Variants in THRAP3 observed in about 807,000 individuals in gnomAD.
The protein encoded by THRAP3 is thyroid hormone receptor-associated protein 3.
Under a neutral mutation model 101.0 loss-of-function variants are expected in THRAP3, and 16 were observed. The ratio of observed to expected loss-of-function variants is 0.16; its 90% confidence interval spans 0.11 to 0.24. THRAP3 has a LOEUF of 0.24. Among genes scored for constraint, THRAP3 ranks in the 10% least tolerant of loss-of-function variants. THRAP3 has a pLI of 1.00. For missense variants in THRAP3, 989 were observed against 1,202.7 expected (o/e 0.82, Z 2.63); for synonymous variants, 407 against 422.6 (o/e 0.96, Z 0.45).
intron 1 of THRAP3, among the ~76,000 whole-genome samples, chr1:36,234,812 T>A (rs948504681): frequency 7.2e-6 from 1 of 139,672 alleles, no homozygotes; most frequent in Non-Finnish European, 1.5e-5. Flanking sequence ...TCAGTCTTTT[T>A]TTTTTTTTTT....
chr1:36,231,993 G>A (rs949123534), intron 1 of THRAP3, among the ~76,000 whole-genome samples: 11 of 152,116 alleles, frequency 7.2e-5, no homozygotes, highest in African/African-American at 1.4e-4. Context: ...GAGGTGGGTG[G>A]ATCACTTGAG....
chr1:36,277,827 T>C (rs574205218), intron 2 of THRAP3, among the ~76,000 whole-genome samples: 14 of 152,290 alleles, frequency 9.2e-5, no homozygotes, highest in African/African-American at 3.4e-4. Context: ...TGGCACAATC[T>C]AGGCTCACTG....
At chr1:36,249,193 CT>C (rs35410710) in intron 1 of THRAP3, among the ~76,000 whole-genome samples, 63,718 of 117,330 alleles carry the variant, frequency 0.54, 16,892 homozygotes, top group East Asian at 0.66. Context: ...AGCACAGTCC[CT>C]TTTTTTTTTT....
intron 2 of THRAP3, among the ~76,000 whole-genome samples, chr1:36,262,130 A>T (rs557537319): frequency 1.3e-5 from 2 of 152,256 alleles, no homozygotes; most frequent in African/African-American, 4.8e-5. Context: ...ATATAATTCA[A>T]TATATCCAGT....
At chr1:36,270,251 G>A (rs982145104) in intron 2 of THRAP3, among the ~76,000 whole-genome samples, 1 of 152,144 alleles carries the variant, frequency 6.6e-6, no homozygotes, top group Non-Finnish European at 1.5e-5. Context: ...TTAGCCAGCT[G>A]TAGTGGCACA....
chr1:36,293,978 G>A (rs375119898), intron 8 of THRAP3, 43 bp downstream of exon 8: 8 of 1,593,352 alleles, frequency 5.0e-6, no homozygotes, highest in East Asian at 2.2e-5. Context: ...AAATGAGTGC[G>A]TTGGGCATGA....
At chr1:36,278,380 A>T (rs1280113761) in intron 2 of THRAP3, among the ~76,000 whole-genome samples, 1 of 152,048 alleles carries the variant, frequency 6.6e-6, no homozygotes, top group Non-Finnish European at 1.5e-5. Context: ...TCGGGTTTTG[A>T]CCGTAAATGT....
At chr1:36,302,626 A>G (rs1384259276) in intron 11 of THRAP3, among the ~76,000 whole-genome samples, 1 of 152,222 alleles carries the variant, frequency 6.6e-6, no homozygotes, top group Non-Finnish European at 1.5e-5. Flanking sequence ...AGCCATGGTC[A>G]GAAGAAGCTG....
At chr1:36,290,518 T>G (rs1645854744) in intron 5 of THRAP3, among the ~76,000 whole-genome samples, 1 of 152,160 alleles carries the variant, frequency 6.6e-6, no homozygotes, top group East Asian at 1.9e-4. Context: ...CAGGCTGGCG[T>G]GCAGTGGTGC....
rs749258360 is a variant in THRAP3, at chr1:36,235,593, C to T, written c.-135+11088C>T. Among the ~76,000 whole-genome samples, 48 of 151,892 alleles carry T rather than the reference C, an allele frequency of 3.2e-4. 1 individual carries two copies. The highest frequency in any genetic ancestry group is 1.0e-3 in the South Asian group (5 of 4,788). ...ACCATTTTCTTCCTGAGATTTCCACCGTGACAAAAAAATATGATGATTATT... is the reference window on the plus strand; with the variant it reads ...ACCATTTTCTTCCTGAGATTTCCACTGTGACAAAAAAATATGATGATTATT... On this transcript the variant is annotated intron_variant, in intron 1 of 11. Transcript: ENST00000354618.
chr1:36,237,997 A>T (rs550736584), intron 1 of THRAP3, among the ~76,000 whole-genome samples: 10 of 151,086 alleles, frequency 6.6e-5, no homozygotes, highest in South Asian at 4.2e-4. Flanking sequence ...ATTTAGCAAA[A>T]TTTTTTTTTC....
At chr1:36,229,259 G>A (rs919428179) in intron 1 of THRAP3, among the ~76,000 whole-genome samples, 3 of 151,726 alleles carry the variant, frequency 2.0e-5, no homozygotes, top group Non-Finnish European at 4.4e-5. Context: ...CACCACACCC[G>A]GCTAATTTTT....
chr1:36,304,153 AC>A lies in THRAP3; in HGVS notation c.*138del. 1 of 1,319,566 alleles carries A rather than the reference AC, an allele frequency of 7.6e-7. No individual in the cohort carries two copies. Among genetic ancestry groups the A allele is most frequent in the Non-Finnish European group, 1.0e-6 (1 of 995,592 alleles). The allele number at this position is 1,319,566 out of a possible 1,614,324, so 81.7% of individuals were successfully genotyped here. Reference sequence around the variant, plus strand: ...CCCCACCAGCCGCACAGATTGTACTACCGCGAGAGGCATCCCTGGCGCTGTC... The same window carrying A: ...CCCCACCAGCCGCACAGATTGTACTACGCGAGAGGCATCCCTGGCGCTGTC... On this transcript the variant is annotated 3_prime_UTR_variant, in exon 12 of 12. Transcript: ENST00000354618.
At chr1:36,259,924 G>A (rs1258775952) in intron 2 of THRAP3, among the ~76,000 whole-genome samples, 1 of 152,118 alleles carries the variant, frequency 6.6e-6, no homozygotes, top group Non-Finnish European at 1.5e-5. Flanking sequence ...TCATGCTTAT[G>A]TTACTTGGAT....
chr1:36,228,992 C>A (rs548068613), intron 1 of THRAP3, among the ~76,000 whole-genome samples: 26 of 152,168 alleles, frequency 1.7e-4, no homozygotes, highest in South Asian at 4.2e-4. Flanking sequence ...AGAGCCAGAC[C>A]CTGTCTCTAA....
chr1:36,261,425 C>G (rs1257422474), intron 2 of THRAP3, among the ~76,000 whole-genome samples: 1 of 152,058 alleles, frequency 6.6e-6, no homozygotes, highest in African/African-American at 2.4e-5. Context: ...CCCAGCTACT[C>G]GGGAGACTGA....
At chr1:36,222,289 A>G (rs1341605460), upstream of THRAP3, among the ~76,000 whole-genome samples, 1 of 152,194 alleles carries the variant, frequency 6.6e-6, no homozygotes, top group Non-Finnish European at 1.5e-5. Context: ...TGATGTAAAC[A>G]TACTATATAA....
intron 2 of THRAP3, among the ~76,000 whole-genome samples, chr1:36,281,082 C>A (rs1645725843): frequency 6.6e-6 from 1 of 151,868 alleles, no homozygotes. Context: ...CCCGCCACTA[C>A]TTTTAGTAGA....
At chr1:36,284,324 T>C (rs17439943) in intron 3 of THRAP3, among the ~76,000 whole-genome samples, 12,807 of 152,288 alleles carry the variant, frequency 0.084, 756 homozygotes, top group Middle Eastern at 0.23. Flanking sequence ...AGAGACACTT[T>C]ACATGCTATC....
Sources: allele counts gnomAD v4.1 joint callset (sites outside exome capture counted in the v4.1 genomes callset), GRCh38; gene constraint gnomAD v4.1.1; transcripts MANE v1.5; gene names NCBI Gene and HGNC (gene_info 2026-07-23, HGNC 2026-07-21).